Variants in NCK1 observed in about 807,000 individuals in gnomAD.
The protein encoded by NCK1 is NCK adaptor protein 1, also known as SH2/SH3 adapter protein NCK1.
In NCK1, 19 loss-of-function variants were observed where a neutral mutation model predicts 36.6. The ratio of observed to expected loss-of-function variants is 0.52; its 90% CI spans 0.36 to 0.76. NCK1 has a LOEUF of 0.76. NCK1 is among the 30% of genes least tolerant of loss of function. The probability of loss-of-function intolerance (pLI) is 0.00; values close to 1 mark genes in which losing one functional copy is unlikely to be tolerated. For synonymous variants in NCK1, 165 were observed against 156.0 expected (o/e 1.06, Z -0.43); for missense variants, 358 against 445.6 (o/e 0.80, Z 1.77).
At chr3:136,901,594 T>TTGATTGAA (rs1939543116) in intron 1 of NCK1, among the ~76,000 whole-genome samples, 3 of 152,206 alleles carry the variant, frequency 2.0e-5, no homozygotes, top group Non-Finnish European at 4.4e-5. Flanking sequence ...TTCTTCCTGA[T>TTGATTGAA]TCAATCTTGG....
chr3:136,893,180 A>G (rs140904246), intron 1 of NCK1, among the ~76,000 whole-genome samples: 12,369 of 24,700 alleles, frequency 0.5, 3,603 homozygotes, highest in East Asian at 0.65. Flanking sequence ...GTGTGTGTGT[A>G]TATATATATA....
At chr3:136,940,939 A>T (rs1462144074) in intron 2 of NCK1, among the ~76,000 whole-genome samples, 1 of 152,062 alleles carries the variant, frequency 6.6e-6, no homozygotes, top group South Asian at 2.1e-4. Context: ...ACCTATTTGC[A>T]TCTTTGTTTG....
At chr3:136,893,713 G>A (rs1339455132) in intron 1 of NCK1, among the ~76,000 whole-genome samples, 4 of 152,062 alleles carry the variant, frequency 2.6e-5, no homozygotes, top group African/African-American at 9.7e-5. Context: ...TGCTCAGATT[G>A]GCTTAAACCC....
At chr3:136,941,649 G>T (rs567654721) in intron 2 of NCK1, among the ~76,000 whole-genome samples, 1 of 151,706 alleles carries the variant, frequency 6.6e-6, no homozygotes, top group African/African-American at 2.4e-5. Flanking sequence ...CATTAACCTA[G>T]AATTGAAATT....
intron 1 of NCK1, among the ~76,000 whole-genome samples, chr3:136,905,042 T>G (rs1939648948): frequency 6.7e-6 from 1 of 149,502 alleles, no homozygotes; most frequent in South Asian, 2.2e-4. Context: ...AGATGGAGTC[T>G]CGCTCTGTTT....
chr3:136,877,906 T>G (rs1395143711), intron 1 of NCK1, among the ~76,000 whole-genome samples: 1 of 152,074 alleles, frequency 6.6e-6, no homozygotes, highest in Non-Finnish European at 1.5e-5. Flanking sequence ...AGCCCCAAAG[T>G]AGAAGCAACT....
intron 1 of NCK1, among the ~76,000 whole-genome samples, chr3:136,881,369 G>A (rs868410843): frequency 3.3e-5 from 5 of 151,994 alleles, no homozygotes; most frequent in Admixed American, 6.6e-5. Context: ...ACAGGTGCAC[G>A]CCACTACGCC....
At chr3:136,880,322 G>T (rs1365898401) in intron 1 of NCK1, among the ~76,000 whole-genome samples, 1 of 152,014 alleles carries the variant, frequency 6.6e-6, no homozygotes, top group Non-Finnish European at 1.5e-5. Context: ...TTCGAAGTGG[G>T]GTCTTTACAG....
intron 1 of NCK1, among the ~76,000 whole-genome samples, chr3:136,882,807 T>C (rs1938979019): frequency 6.6e-6 from 1 of 152,194 alleles, no homozygotes; most frequent in African/African-American, 2.4e-5. Context: ...ATTGCAGGGG[T>C]GGCTGGGAAG....
At chr3:136,930,362 A>G (rs1940359968) in intron 2 of NCK1, 1 of 923,806 alleles carries the variant, frequency 1.1e-6, no homozygotes, top group Non-Finnish European at 1.4e-6. Context: ...TACTTGTTAT[A>G]CAGGCTGTGT....
chr3:136,912,323 T>TG (rs1240587145), intron 1 of NCK1, among the ~76,000 whole-genome samples: 1 of 151,876 alleles, frequency 6.6e-6, no homozygotes, highest in East Asian at 1.9e-4. Flanking sequence ...CCACCACGCC[T>TG]GGCTGATTTT....
chr3:136,930,980 CT>C (rs34682748), intron 2 of NCK1, among the ~76,000 whole-genome samples: 101,788 of 149,226 alleles, frequency 0.68, 34,715 homozygotes, highest in East Asian at 0.87. Flanking sequence ...TTGGAATTAA[CT>C]TTTTTTTTTT....
At chr3:136,878,915 C>A (rs1345334761) in intron 1 of NCK1, among the ~76,000 whole-genome samples, 1 of 152,110 alleles carries the variant, frequency 6.6e-6, no homozygotes, top group South Asian at 2.1e-4. Flanking sequence ...GAGGCCTCTT[C>A]TCTTTGGCTT....
intron 1 of NCK1, among the ~76,000 whole-genome samples, chr3:136,893,200 G>T (rs1553793948): frequency 4.1e-4 from 12 of 29,618 alleles, no homozygotes; most frequent in South Asian, 2.9e-3. Flanking sequence ...ATACACACAT[G>T]TGCAAGTATC....
chr3:136,862,857 C>G (rs1324526763), intron 1 of NCK1, among the ~76,000 whole-genome samples: 4 of 115,564 alleles, frequency 3.5e-5, no homozygotes, highest in Non-Finnish European at 7.0e-5. Flanking sequence ...CGCGCCCTCT[C>G]CCCTCCCCCC....
At chr3:136,923,187 T>C (rs1366171356) in intron 1 of NCK1, among the ~76,000 whole-genome samples, 1 of 152,042 alleles carries the variant, frequency 6.6e-6, no homozygotes, top group Non-Finnish European at 1.5e-5. Context: ...GAATTTTCAA[T>C]TTTCTTATAT....
intron 1 of NCK1, among the ~76,000 whole-genome samples, chr3:136,867,100 C>T: frequency 2.6e-5 from 1 of 38,838 alleles, no homozygotes; most frequent in African/African-American, 9.1e-5. Context: ...TTCTTTCTTT[C>T]TTTCTTTCTT....
At chr3:136,874,961 GT>G (rs1161447969) in intron 1 of NCK1, among the ~76,000 whole-genome samples, 1 of 152,070 alleles carries the variant, frequency 6.6e-6, no homozygotes, top group Non-Finnish European at 1.5e-5. Flanking sequence ...TTGTAAAAAT[GT>G]TTTGCTTTTC....
At chr3:136,915,226 A>T (rs538152224) in intron 1 of NCK1, among the ~76,000 whole-genome samples, 82 of 152,328 alleles carry the variant, frequency 5.4e-4, no homozygotes, top group African/African-American at 1.8e-3. Flanking sequence ...AGTAGTAGTG[A>T]GAATGGAGAT....
Sources: allele counts gnomAD v4.1 joint callset (sites outside exome capture counted in the v4.1 genomes callset), GRCh38; gene constraint gnomAD v4.1.1; transcripts MANE v1.5; gene names NCBI Gene and HGNC (gene_info 2026-07-23, HGNC 2026-07-21).